Variants in BABAM2 observed in about 807,000 individuals in gnomAD.
BABAM2 encodes BRISC and BRCA1 A complex member 2.
Under a neutral mutation model 54.7 loss-of-function variants are expected in BABAM2, and 31 were observed. The observed-to-expected ratio is 0.57, with a 90% CI of 0.43 to 0.77. The LOEUF is 0.77. Among genes scored for constraint, BABAM2 ranks in the 30% least tolerant of loss-of-function variants. The pLI, the probability that BABAM2 is intolerant of heterozygous loss-of-function variation, is 0.00. For missense variants in BABAM2, 364 were observed against 455.8 expected (o/e 0.80, Z 1.83); for synonymous variants, 167 against 162.9 (o/e 1.03, Z -0.19).
chr2:27,932,659 C>T (rs887154241), intron 3 of BABAM2, among the ~76,000 whole-genome samples: 2 of 152,180 alleles, frequency 1.3e-5, no homozygotes, highest in African/African-American at 2.4e-5. Context: ...CTGTCATTTT[C>T]AGGGGGTACG....
At chr2:28,132,299 C>A (rs895078531) in intron 7 of BABAM2, among the ~76,000 whole-genome samples, 2 of 151,802 alleles carry the variant, frequency 1.3e-5, no homozygotes, top group African/African-American at 4.8e-5. Context: ...CCACCACGCC[C>A]GGCTAATTTT....
At chr2:28,261,270 T>A (rs1023253841) in intron 10 of BABAM2, among the ~76,000 whole-genome samples, 1 of 151,996 alleles carries the variant, frequency 6.6e-6, no homozygotes, top group Non-Finnish European at 1.5e-5. Context: ...AATTGCTAAT[T>A]GTTAATATAT....
chr2:27,889,610 T>C (rs1186908253), upstream of BABAM2, among the ~76,000 whole-genome samples: 1 of 152,262 alleles, frequency 6.6e-6, no homozygotes, highest in African/African-American at 2.4e-5. Context: ...GCATATTTTC[T>C]ATCATAATTT....
intron 7 of BABAM2, among the ~76,000 whole-genome samples, chr2:28,192,098 G>A (rs755136086): frequency 6.6e-6 from 1 of 152,084 alleles, no homozygotes; most frequent in South Asian, 2.1e-4. Flanking sequence ...GCAGTGGCAC[G>A]ATCTCGGCTC....
intron 3 of BABAM2, among the ~76,000 whole-genome samples, chr2:27,939,027 A>T (rs184540057): frequency 6.6e-6 from 1 of 152,234 alleles, no homozygotes; most frequent in African/African-American, 2.4e-5. Flanking sequence ...ATCTCGGCTC[A>T]CTTCAACCTC....
At chr2:27,996,002 C>T (rs1162420308) in intron 4 of BABAM2, among the ~76,000 whole-genome samples, 1 of 152,166 alleles carries the variant, frequency 6.6e-6, no homozygotes, top group Non-Finnish European at 1.5e-5. Context: ...TGGCTTTCTC[C>T]ACTTTCTTGC....
intron 3 of BABAM2, among the ~76,000 whole-genome samples, chr2:27,933,471 A>ATATATATGTATG (rs1491225361): frequency 3.3e-5 from 5 of 151,884 alleles, no homozygotes; most frequent in African/African-American, 4.8e-5. Flanking sequence ...TAAAAAACAC[A>ATATATATGTATG]TATATATGTA....
At chr2:28,134,204 C>G (rs1478969046) in intron 7 of BABAM2, among the ~76,000 whole-genome samples, 1 of 107,042 alleles carries the variant, frequency 9.3e-6, no homozygotes, top group African/African-American at 3.7e-5. Context: ...GTGAGTTATG[C>G]AAAAAAAAAA....
chr2:28,145,869 A>G (rs557615402), intron 7 of BABAM2, among the ~76,000 whole-genome samples: 2 of 152,250 alleles, frequency 1.3e-5, no homozygotes, highest in East Asian at 3.9e-4. Context: ...TTTTAGCATA[A>G]TGTTTTCAAG....
At chr2:28,336,305 ACTGAAGGT>A (rs1474140408) in intron 11 of BABAM2, among the ~76,000 whole-genome samples, 1 of 152,234 alleles carries the variant, frequency 6.6e-6, no homozygotes, top group Admixed American at 6.5e-5. Flanking sequence ...TCGGAAGGAA[ACTGAAGGT>A]TCTGTTACAG....
intron 4 of BABAM2, among the ~76,000 whole-genome samples, chr2:28,007,581 T>C (rs570667768): frequency 6.6e-6 from 1 of 152,208 alleles, no homozygotes; most frequent in South Asian, 2.1e-4. Flanking sequence ...AGCACAATTA[T>C]AAGGTTTATG....
At chr2:28,028,762 C>T (rs1558669702) in intron 5 of BABAM2, among the ~76,000 whole-genome samples, 1 of 151,920 alleles carries the variant, frequency 6.6e-6, no homozygotes, top group East Asian at 1.9e-4. Context: ...TCAGCTTTTT[C>T]TTTTTCTTTT....
intron 10 of BABAM2, among the ~76,000 whole-genome samples, chr2:28,275,510 A>G (rs141770870): frequency 5.0e-4 from 76 of 152,318 alleles, no homozygotes; most frequent in African/African-American, 1.8e-3. Context: ...AAGGCAAGCT[A>G]AAGACCAGCA....
intron 10 of BABAM2, among the ~76,000 whole-genome samples, chr2:28,251,818 G>A (rs887262540): frequency 1.3e-5 from 2 of 152,132 alleles, no homozygotes; most frequent in Admixed American, 6.5e-5. Flanking sequence ...TATAGAAAGT[G>A]TAATATTATT....
At chr2:27,991,706 G>A (rs1225282537) in intron 4 of BABAM2, among the ~76,000 whole-genome samples, 7 of 152,124 alleles carry the variant, frequency 4.6e-5, no homozygotes, top group Non-Finnish European at 7.4e-5. Context: ...TTTCAATGAA[G>A]CATGTATTAC....
intron 3 of BABAM2, among the ~76,000 whole-genome samples, chr2:27,942,905 G>A (rs1423336769): frequency 6.6e-6 from 1 of 151,720 alleles, no homozygotes; most frequent in Non-Finnish European, 1.5e-5. Flanking sequence ...ACTGGCTCAA[G>A]TGATCCTCCA....
rs141218879 is a variant in BABAM2 at position 28,238,840 on chromosome 2, C to A, written c.780+1539C>A. Among the ~76,000 whole-genome samples, 3 of 151,472 alleles carry A rather than the reference C, an allele frequency of 2.0e-5. 1 individual carries two copies. Among genetic ancestry groups the A allele is most frequent in the African/African-American group, 4.8e-5 (2 of 41,256 alleles). On this transcript the variant is annotated intron_variant, in intron 8 of 11. Transcript: ENST00000379624. ...TTAATTTCTAGTCATACATTTTCCT[C>A]AAAAAAAAATTATAACACCGTTTTC... is the stretch of plus-strand genomic sequence containing the variant.
chr2:28,289,173 G>A (rs1206714591), intron 10 of BABAM2, among the ~76,000 whole-genome samples: 1 of 152,050 alleles, frequency 6.6e-6, no homozygotes, highest in Non-Finnish European at 1.5e-5. Context: ...TAGACGTCCT[G>A]TGGGTGTCTC....
rs965467820 is a variant in BABAM2 at position 28,044,268 on chromosome 2, T to C, written c.496-1457T>C. 9.2e-5 allele frequency among the ~76,000 whole-genome samples: 14 copies of C among 152,230 alleles called. 1 individual carries two copies. Among genetic ancestry groups the C allele is most frequent in the Admixed American group, 8.5e-4 (13 of 15,288 alleles). ...TTTTGAGACGGAGTTTCGCTCTTGTTGCCGAGGCTGGAGTGCAATGGTGCA... is the reference window on the plus strand; with the variant it reads ...TTTTGAGACGGAGTTTCGCTCTTGTCGCCGAGGCTGGAGTGCAATGGTGCA... On this transcript the variant is annotated intron_variant, in intron 5 of 11. Coordinates refer to ENST00000379624, the MANE Select transcript of BABAM2 (RefSeq NM_199191.3).
Sources: allele counts gnomAD v4.1 joint callset (sites outside exome capture counted in the v4.1 genomes callset), GRCh38; gene constraint gnomAD v4.1.1; transcripts MANE v1.5; gene names NCBI Gene and HGNC (gene_info 2026-07-23, HGNC 2026-07-21).